The following LRP1B variants were observed in gnomAD, a reference collection of about 807,000 sequenced individuals.
The protein encoded by LRP1B is LDL receptor related protein 1B.
In LRP1B, 217 loss-of-function variants were observed where a neutral mutation model predicts 556.6. The ratio of observed to expected loss-of-function variants is 0.39; its 90% CI spans 0.35 to 0.44. The LOEUF is 0.44. Ranked by LOEUF, LRP1B falls within the 20% of genes least tolerant of loss-of-function variation. The pLI is 1.00. For missense variants in LRP1B, 5,053 were observed against 5,620.8 expected (o/e 0.90, Z 3.23); for synonymous variants, 2,047 against 1,865.8 (o/e 1.10, Z -2.50).
rs567309838 is a variant in LRP1B, at chr2:142,110,016, C to T, written c.82+20632G>A. Among the ~76,000 whole-genome samples the T allele has an allele frequency of 3.5e-4, 54 of 152,152 alleles. 1 individual carries two copies. Among genetic ancestry groups the T allele is most frequent in the Middle Eastern group, 3.4e-3 (1 of 294 alleles). ...TATGTGTAGTATTAAAAGAGACAAA[C>T]CTAAGCCTTGATTTTAGTCTTCATT... On this transcript the variant is annotated intron_variant, in intron 1 of 90. Coordinates refer to ENST00000389484, the MANE Select transcript of LRP1B (RefSeq NM_018557.3).
chr2:141,896,327 A>C (rs1699452031), intron 1 of LRP1B, among the ~76,000 whole-genome samples: 1 of 152,178 alleles, frequency 6.6e-6, no homozygotes, highest in Non-Finnish European at 1.5e-5. Context: ...TGCTTACAAA[A>C]TCAAAAATAA....
intron 3 of LRP1B, among the ~76,000 whole-genome samples, chr2:141,263,244 C>G (rs1684765433): frequency 6.6e-6 from 1 of 151,690 alleles, no homozygotes; most frequent in Admixed American, 6.6e-5. Context: ...CCTTGCTAAA[C>G]AGAACAAAGA....
At chr2:142,079,165 G>T (rs531025563) in intron 1 of LRP1B, among the ~76,000 whole-genome samples, 3 of 152,048 alleles carry the variant, frequency 2.0e-5, no homozygotes, top group Non-Finnish European at 4.4e-5. Flanking sequence ...TAAATTATTA[G>T]ACTTCAGCAC....
At chr2:141,474,038 T>TCCTCCCTCCCTC (rs1559091511) in intron 3 of LRP1B, among the ~76,000 whole-genome samples, 27 of 126,830 alleles carry the variant, frequency 2.1e-4, no homozygotes, top group African/African-American at 8.1e-4. Flanking sequence ...CTTCCTTCCT[T>TCCTCCCTCCCTC]CCTTCCTTTC....
chr2:140,983,691 G>A (rs1426123952), intron 17 of LRP1B, among the ~76,000 whole-genome samples: 1 of 152,002 alleles, frequency 6.6e-6, no homozygotes, highest in African/African-American at 2.4e-5. Flanking sequence ...TACTGGCTTG[G>A]TTTGATACAT....
intron 15 of LRP1B, among the ~76,000 whole-genome samples, chr2:140,995,853 A>C (rs1697230566): frequency 6.6e-6 from 1 of 152,026 alleles, no homozygotes; most frequent in South Asian, 2.1e-4. Context: ...TTTATTCACA[A>C]ATTGGGTCTT....
At chr2:141,841,002 A>G (rs1159734772) in intron 1 of LRP1B, among the ~76,000 whole-genome samples, 1 of 151,988 alleles carries the variant, frequency 6.6e-6, no homozygotes, top group Non-Finnish European at 1.5e-5. Flanking sequence ...CAAGTGAAGT[A>G]TTTCTACCAG....
chr2:141,190,609 A>G (rs374087682), intron 6 of LRP1B, among the ~76,000 whole-genome samples: 2 of 152,072 alleles, frequency 1.3e-5, no homozygotes, highest in East Asian at 3.9e-4. Flanking sequence ...TAAATACCCA[A>G]TTCCTCTAAT....
At chr2:140,961,285 A>G (rs13023916) in intron 18 of LRP1B, among the ~76,000 whole-genome samples, 22,272 of 151,980 alleles carry the variant, frequency 0.15, 1,682 homozygotes, top group East Asian at 0.27. Context: ...AAAGAAATTT[A>G]CCACTATCAA....
intron 17 of LRP1B, among the ~76,000 whole-genome samples, chr2:140,984,186 C>G (rs114795222): frequency 0.034 from 5,233 of 151,912 alleles, 132 homozygotes; most frequent in Middle Eastern, 0.069. Context: ...TTACATATCT[C>G]TGTTTCACTG....
intron 1 of LRP1B, among the ~76,000 whole-genome samples, chr2:141,893,424 C>T (rs993051762): frequency 6.6e-6 from 1 of 152,166 alleles, no homozygotes; most frequent in African/African-American, 2.4e-5. Flanking sequence ...AGGTCTTGAA[C>T]CCCTGACCTT....
chr2:141,710,867 A>G (rs922771051), intron 2 of LRP1B, among the ~76,000 whole-genome samples: 1 of 152,196 alleles, frequency 6.6e-6, no homozygotes, highest in African/African-American at 2.4e-5. Context: ...TGATTTAATG[A>G]TCACTGTCAC....
intron 41 of LRP1B, among the ~76,000 whole-genome samples, chr2:140,612,208 A>G (rs1683095986): frequency 6.6e-6 from 1 of 152,122 alleles, no homozygotes; most frequent in African/African-American, 2.4e-5. Context: ...TAGGTGGCAG[A>G]TATTTTATGA....
chr2:142,113,383 C>T (rs1707071126), intron 1 of LRP1B, among the ~76,000 whole-genome samples: 1 of 151,958 alleles, frequency 6.6e-6, no homozygotes, highest in Non-Finnish European at 1.5e-5. Context: ...AATTCCATAT[C>T]TATAATTTTT....
intron 43 of LRP1B, among the ~76,000 whole-genome samples, 168 bp from the exon 44 acceptor site, chr2:140,542,139 T>C (rs1680159442): frequency 7.7e-6 from 1 of 130,086 alleles, no homozygotes; most frequent in Non-Finnish European, 1.8e-5. Context: ...ATATGCTTTA[T>C]ATTTTATTTA....
intron 43 of LRP1B, among the ~76,000 whole-genome samples, chr2:140,565,467 C>A (rs192338558): frequency 5.9e-5 from 9 of 152,056 alleles, no homozygotes; most frequent in Admixed American, 3.9e-4. Context: ...TTTACCAGAT[C>A]CCTCATTATA....
At chr2:140,727,084 A>G (rs967996829) in intron 35 of LRP1B, among the ~76,000 whole-genome samples, 5 of 152,176 alleles carry the variant, frequency 3.3e-5, no homozygotes, top group African/African-American at 7.2e-5. Flanking sequence ...AAAAATTTTT[A>G]TCTGTGTGTA....
chr2:140,723,000 G>A (rs1307015030), intron 35 of LRP1B, among the ~76,000 whole-genome samples: 2 of 152,190 alleles, frequency 1.3e-5, no homozygotes, highest in Non-Finnish European at 2.9e-5. Flanking sequence ...CCGAGATCGC[G>A]CCACTGCACT....
intron 32 of LRP1B, among the ~76,000 whole-genome samples, chr2:140,788,281 A>G (rs1347199377): frequency 6.6e-6 from 1 of 152,222 alleles, no homozygotes; most frequent in Non-Finnish European, 1.5e-5. Context: ...TGCTACATAA[A>G]TAACTCGGAA....
Sources: allele counts gnomAD v4.1 joint callset (sites outside exome capture counted in the v4.1 genomes callset), GRCh38; gene constraint gnomAD v4.1.1; transcripts MANE v1.5; gene names NCBI Gene and HGNC (gene_info 2026-07-23, HGNC 2026-07-21).